CNTNAP2: variants seen among roughly 807,000 people sequenced by gnomAD.
CNTNAP2 encodes the protein contactin associated protein 2.
In CNTNAP2, 98 loss-of-function variants were observed where a neutral mutation model predicts 155.2. The observed-to-expected ratio is 0.63, with a 90% CI of 0.54 to 0.75. CNTNAP2 has a LOEUF of 0.75. Among genes scored for constraint, CNTNAP2 ranks in the 30% least tolerant of loss-of-function variants. The pLI, the probability that CNTNAP2 is intolerant of heterozygous loss-of-function variation, is 0.00. For missense variants in CNTNAP2, 1,727 were observed against 1,688.1 expected (o/e 1.02, Z -0.40); for synonymous variants, 651 against 631.2 (o/e 1.03, Z -0.47).
intron 13 of CNTNAP2, among the ~76,000 whole-genome samples, chr7:147,766,116 G>A (rs1797379424): frequency 6.6e-6 from 1 of 152,158 alleles, no homozygotes; most frequent in South Asian, 2.1e-4. Flanking sequence ...TTTTGGGGTT[G>A]ATGGCAATAT....
chr7:148,143,263 C>G (rs1421520144), intron 16 of CNTNAP2, among the ~76,000 whole-genome samples: 1 of 152,138 alleles, frequency 6.6e-6, no homozygotes, highest in Non-Finnish European at 1.5e-5. Context: ...GTGAAAAGAC[C>G]AAACAGCTGA....
intron 1 of CNTNAP2, among the ~76,000 whole-genome samples, chr7:146,714,774 A>G (rs1801158411): frequency 6.6e-6 from 1 of 152,206 alleles, no homozygotes; most frequent in South Asian, 2.1e-4. Flanking sequence ...TTGATGGCAC[A>G]TTACTGAATT....
chr7:146,254,959 A>G (rs1239867018), intron 1 of CNTNAP2, among the ~76,000 whole-genome samples: 2 of 152,200 alleles, frequency 1.3e-5, no homozygotes, highest in African/African-American at 4.8e-5. Flanking sequence ...AAAGTTATAT[A>G]AACACCACAT....
At chr7:148,338,827 A>G (rs1197841545) in intron 21 of CNTNAP2, among the ~76,000 whole-genome samples, 1 of 152,188 alleles carries the variant, frequency 6.6e-6, no homozygotes, top group Non-Finnish European at 1.5e-5. Flanking sequence ...AAGAAGACGG[A>G]GAAGGAGGAG....
chr7:147,402,600 C>A (rs930634205), intron 10 of CNTNAP2, among the ~76,000 whole-genome samples: 2 of 152,218 alleles, frequency 1.3e-5, no homozygotes, highest in Admixed American at 1.3e-4. Flanking sequence ...ATACCTTCGT[C>A]TGATCTACCA....
At chr7:147,657,393 G>C (rs897155947) in intron 13 of CNTNAP2, among the ~76,000 whole-genome samples, 3 of 152,152 alleles carry the variant, frequency 2.0e-5, no homozygotes, top group Admixed American at 2.0e-4. Context: ...GGGAGGGGTT[G>C]GCTTCGGTGA....
At chr7:147,239,625 T>C (rs1803895609) in intron 8 of CNTNAP2, among the ~76,000 whole-genome samples, 1 of 152,098 alleles carries the variant, frequency 6.6e-6, no homozygotes, top group Non-Finnish European at 1.5e-5. Flanking sequence ...AATGACTATA[T>C]TATGAAGGAC....
In CNTNAP2 at chr7:148,147,726, T is replaced by C. The variant is rs1805217941; in HGVS notation, c.2773+17T>C. ...TATTTGTGGGTAAGTAATGGAAAGG[T>C]AACCATGGCTTCCCTCTGTTGATTT... is the stretch of plus-strand genomic sequence containing the variant. On this transcript the variant is annotated intron_variant, in intron 17 of 23. Transcript: ENST00000361727. 6.2e-7 allele frequency: 1 copy of C among 1,607,606 alleles called. No individual in the cohort carries two copies. The highest frequency in any genetic ancestry group is 1.7e-5 in the Admixed American group (1 of 59,644).
chr7:147,003,714 G>A (rs1464314183), intron 3 of CNTNAP2, among the ~76,000 whole-genome samples: 1 of 151,918 alleles, frequency 6.6e-6, no homozygotes, highest in Non-Finnish European at 1.5e-5. Context: ...GTCTACTTTT[G>A]TTAGGAACCG....
chr7:147,951,153 G>C (rs1281513141), intron 14 of CNTNAP2, among the ~76,000 whole-genome samples: 3 of 152,232 alleles, frequency 2.0e-5, no homozygotes, highest in Non-Finnish European at 4.4e-5. Flanking sequence ...CAGAGAGAAA[G>C]TTGTGCCTTC....
intron 17 of CNTNAP2, among the ~76,000 whole-genome samples, chr7:148,153,020 C>CAAAAAAAA (rs373499312): frequency 1.3e-4 from 3 of 22,680 alleles, no homozygotes; most frequent in African/African-American, 1.7e-4. Context: ...GACTCCGTCT[C>CAAAAAAAA]AAAAAAAAAA....
intron 1 of CNTNAP2, among the ~76,000 whole-genome samples, chr7:146,363,911 A>G (rs1795119891): frequency 6.6e-6 from 1 of 152,176 alleles, no homozygotes; most frequent in South Asian, 2.1e-4. Context: ...GGCTATGTAG[A>G]CCTTCTTGAA....
rs1475821290 is a variant in CNTNAP2 at position 147,470,324 on chromosome 7, AGCAGTAGAGATGGTAGCTATGATC to A, written c.1671-15609_1671-15586del. On this transcript the variant is annotated intron_variant, in intron 10 of 23. Transcript: ENST00000361727. ...TGGTAGTGTCTTGGATTAGGGTAAT[AGCAGTAGAGATGGTAGCTATGATC>A]GTGTCTTGGATTAGGGTAATAGCAG... Among the ~76,000 whole-genome samples, 1,390 of 151,104 alleles carry A rather than the reference AGCAGTAGAGATGGTAGCTATGATC, an allele frequency of 9.2e-3. 37 individuals are homozygous for A. The highest frequency in any genetic ancestry group is 0.028 in the Middle Eastern group (8 of 288).
At chr7:147,543,724 C>T (rs1302797649) in intron 11 of CNTNAP2, among the ~76,000 whole-genome samples, 2 of 152,118 alleles carry the variant, frequency 1.3e-5, no homozygotes, top group African/African-American at 4.8e-5. Context: ...TGAAGCTTAA[C>T]CCTCACTGTT....
At chr7:146,414,141 G>A (rs181197905) in intron 1 of CNTNAP2, among the ~76,000 whole-genome samples, 2 of 152,178 alleles carry the variant, frequency 1.3e-5, no homozygotes, top group East Asian at 1.9e-4. Context: ...ATATACACAC[G>A]TTTCTATTTT....
intron 1 of CNTNAP2, among the ~76,000 whole-genome samples, chr7:146,345,063 C>T (rs547393471): frequency 6.6e-6 from 1 of 152,170 alleles, no homozygotes; most frequent in South Asian, 2.1e-4. Flanking sequence ...TAAAATTTAG[C>T]AAACAGAGTT....
intron 1 of CNTNAP2, among the ~76,000 whole-genome samples, chr7:146,616,498 G>C (rs546825525): frequency 3.9e-5 from 6 of 152,224 alleles, no homozygotes; most frequent in South Asian, 2.1e-4. Flanking sequence ...CTACCTCTTC[G>C]TCACTTAACC....
intron 1 of CNTNAP2, among the ~76,000 whole-genome samples, chr7:146,494,569 G>T (rs1797186839): frequency 6.6e-6 from 1 of 152,062 alleles, no homozygotes; most frequent in African/African-American, 2.4e-5. Flanking sequence ...AGAACAGCAT[G>T]AGACTTGAAT....
chr7:147,339,110 A>T (rs887099438), intron 9 of CNTNAP2, among the ~76,000 whole-genome samples: 1 of 152,118 alleles, frequency 6.6e-6, no homozygotes, highest in African/African-American at 2.4e-5. Context: ...TTGAATTCAC[A>T]TTCATTGTTT....
Sources: gnomAD v4.1 joint callset for allele counts (sites outside exome capture counted in the v4.1 genomes callset) on GRCh38, gnomAD v4.1.1 for gene constraint, MANE v1.5 for transcripts, NCBI Gene and HGNC (gene_info 2026-07-23, HGNC 2026-07-21) for gene names.